The following TLE2 variants were observed in gnomAD, a reference collection of about 807,000 sequenced individuals.
The protein encoded by TLE2 is transducin-like enhancer protein 2.
TLE2 carries 74 observed loss-of-function variants against 97.2 expected under a neutral mutation model. The observed-to-expected ratio is 0.76, with a 90% CI of 0.63 to 0.92. The LOEUF (loss-of-function observed/expected upper bound fraction) is 0.92. Ranked by LOEUF, TLE2 falls within the 40% of genes least tolerant of loss-of-function variation. TLE2 has a pLI of 0.00. For missense variants in TLE2, 1,038 were observed against 1,008.7 expected (o/e 1.03, Z -0.39); for synonymous variants, 499 against 432.1 (o/e 1.15, Z -1.92).
chr19:3,003,735 T>C (rs2145120121), intron 17 of TLE2, among the ~76,000 whole-genome samples: 1 of 146,670 alleles, frequency 6.8e-6, no homozygotes, highest in East Asian at 2.0e-4. Context: ...GACAGGGTCT[T>C]GCTCTGTCGC....
intron 5 of TLE2, 26 bp downstream of exon 5, chr19:3,024,994 C>CAA: frequency 4.5e-6 from 7 of 1,566,446 alleles, no homozygotes; most frequent in Non-Finnish European, 6.1e-6. Context: ...CCTTCCCCTC[C>CAA]TCCCCCCACC....
In TLE2 at chr19:3,025,001, C is replaced by A. The variant is rs201556425; in HGVS notation, c.294+19G>T. On this transcript the variant is annotated intron_variant, in intron 5 of 19. Coordinates refer to ENST00000262953, the MANE Select transcript of TLE2 (RefSeq NM_003260.5). ...TCCGGCTCCCTTCCCCTCCTCCCCC[C>A]ACCCCCAGGCCCACTCACCTCCTGG... 1.7e-4 allele frequency: 272 copies of A among 1,578,810 alleles called. 1 individual carries two copies. In the East Asian group the frequency reaches 5.3e-3, roughly 30 times the overall value.
Position 3,014,558 on chromosome 19 carries a change from C to G in TLE2, c.723+12G>C, listed in dbSNP as rs2089661749. 1 of 1,583,516 alleles carries G rather than the reference C, an allele frequency of 6.3e-7. No individual in the cohort carries two copies. The highest frequency in any genetic ancestry group is 8.6e-7 in the Non-Finnish European group (1 of 1,164,786). On this transcript the variant is annotated intron_variant, in intron 10 of 19. Transcript: ENST00000262953. ...CCCAGAGTCGGGGAAGAGGCTGGAC[C>G]CCTGGACTCACCTCGTCCACCACCA...
chr19:3,038,958 G>C (rs983860883), intron 1 of TLE2, among the ~76,000 whole-genome samples: 1 of 151,880 alleles, frequency 6.6e-6, no homozygotes, highest in African/African-American at 2.4e-5. Flanking sequence ...CAGGAGAATC[G>C]CTTGAACCCG....
At chr19:3,041,508 T>G (rs767306864) in intron 1 of TLE2, among the ~76,000 whole-genome samples, 1 of 152,042 alleles carries the variant, frequency 6.6e-6, no homozygotes, top group Non-Finnish European at 1.5e-5. Flanking sequence ...GCTCTTGCTG[T>G]CAAACCCTCC....
intron 4 of TLE2, among the ~76,000 whole-genome samples, chr19:3,026,977 C>A (rs144558420): frequency 3.2e-4 from 48 of 150,188 alleles, no homozygotes; most frequent in African/African-American, 1.1e-3. Context: ...AATTTGAGGT[C>A]TATCTCAGAA....
chr19:3,015,601 G>A (rs1463720987), intron 9 of TLE2, 52 bp downstream of exon 9: 5 of 1,452,468 alleles, frequency 3.4e-6, no homozygotes, highest in African/African-American at 2.8e-5. Flanking sequence ...GAGGGGCCAG[G>A]CTGGTCTGGG....
At chr19:3,043,534 G>A (rs1231742225) in intron 1 of TLE2, among the ~76,000 whole-genome samples, 1 of 151,496 alleles carries the variant, frequency 6.6e-6, no homozygotes, top group East Asian at 1.9e-4. Context: ...ATCATGGGTC[G>A]CACCTGTAAT....
In TLE2 at chr19:3,003,221, G is replaced by A. The variant is rs1344022210; in HGVS notation, c.1897-718C>T. Reference sequence around the variant, plus strand: ...CTCTGAGCGCACAACAGCACAGGGAGGAGGGAGAGAGGAGGGAGGAGGGAC... The same window carrying A: ...CTCTGAGCGCACAACAGCACAGGGAAGAGGGAGAGAGGAGGGAGGAGGGAC... On this transcript the variant is annotated intron_variant, in intron 17 of 19. Coordinates refer to ENST00000262953, the MANE Select transcript of TLE2 (RefSeq NM_003260.5). 2.0e-5 allele frequency among the ~76,000 whole-genome samples: 3 copies of A among 152,204 alleles called. No homozygotes were observed. The East Asian group carries it at 5.8e-4, about 29-fold the overall frequency.
chr19:3,005,144 C>T (rs2145124374), intron 17 of TLE2, among the ~76,000 whole-genome samples: 1 of 152,254 alleles, frequency 6.6e-6, no homozygotes, highest in South Asian at 2.1e-4. Flanking sequence ...CACCCAGCTA[C>T]ACGAGGAAAG....
chr19:3,026,489 C>G (rs1002540032), intron 4 of TLE2, among the ~76,000 whole-genome samples: 10 of 149,830 alleles, frequency 6.7e-5, no homozygotes, highest in Non-Finnish European at 1.3e-4. Context: ...ATCTTTAGGT[C>G]TATCTCAGAA....
chr19:3,003,054 G>A (rs1471315353), intron 17 of TLE2, among the ~76,000 whole-genome samples: 3 of 152,046 alleles, frequency 2.0e-5, no homozygotes, highest in Non-Finnish European at 4.4e-5. Context: ...TGCGGGGGTG[G>A]AGTCCAACAT....
chr19:3,043,203 C>T (rs1227904780), intron 1 of TLE2, among the ~76,000 whole-genome samples: 1 of 151,598 alleles, frequency 6.6e-6, no homozygotes. Flanking sequence ...ATCACGGCTC[C>T]CTGCGAGGCT....
chr19:3,010,980 C>G (rs370136153), intron 12 of TLE2, 42 bp downstream of exon 12: 1 of 1,578,106 alleles, frequency 6.3e-7, no homozygotes, highest in South Asian at 1.2e-5. Flanking sequence ...TCCCCAGAGA[C>G]GAGGCCTGCT....
chr19:2,998,065 CAG>C, intron 19 of TLE2, 110 bp from the exon 20 acceptor site: 1 of 698,066 alleles, frequency 1.4e-6, no homozygotes, highest in Non-Finnish European at 2.5e-6. Flanking sequence ...GACTCGCCTA[CAG>C]AGTGACGTGT....
At position 3,013,947 on chromosome 19, in the gene TLE2, T is replaced by TA. The variant is rs2089649375; in HGVS notation, c.724-130_724-129insT. 4 of 923,008 alleles carry TA rather than the reference T, an allele frequency of 4.3e-6. No homozygotes were observed. The African/African-American group carries it at 6.8e-5, about 16-fold the overall frequency. The allele number at this position is 923,008 out of a possible 1,614,324, so 57.2% of individuals were successfully genotyped here. ...CCCATGACCCACCATGGGAAGATTA[T>TA]GAAATCTTCTGCTGCCTCAGTTTAC... On this transcript the variant is annotated intron_variant, in intron 10 of 19. Transcript: ENST00000262953.
At chr19:3,024,937 TG>T in intron 5 of TLE2, 82 bp downstream of exon 5, 1 of 1,237,896 alleles carries the variant, frequency 8.1e-7, no homozygotes, top group South Asian at 1.4e-5. Flanking sequence ...AATCAGTGCC[TG>T]GGGCGTCCTC....
At chr19:3,017,296 T>C (rs151212215) in intron 8 of TLE2, among the ~76,000 whole-genome samples, 47 of 151,068 alleles carry the variant, frequency 3.1e-4, no homozygotes, top group African/African-American at 1.1e-3. Context: ...CGCCGCCACG[T>C]TTGGCTAATT....
chr19:3,029,371 C>CCCCGCG (rs1436135524), upstream of TLE2, among the ~76,000 whole-genome samples: 2 of 145,344 alleles, frequency 1.4e-5, no homozygotes, highest in Non-Finnish European at 3.0e-5. Context: ...CACCGCCCCT[C>CCCCGCG]CCCGCGCCCG....
Sources: gnomAD v4.1 joint callset for allele counts (sites outside exome capture counted in the v4.1 genomes callset) on GRCh38, gnomAD v4.1.1 for gene constraint, MANE v1.5 for transcripts, NCBI Gene and HGNC (gene_info 2026-07-23, HGNC 2026-07-21) for gene names.